WDPCP: variants seen among roughly 807,000 people sequenced by gnomAD.
The protein encoded by WDPCP is WD repeat containing planar cell polarity effector.
Under a neutral mutation model 93.1 loss-of-function variants are expected in WDPCP, and 71 were observed. That is an observed-to-expected ratio of 0.76 (90% CI 0.63 to 0.93). WDPCP has a LOEUF of 0.93. Ranked by LOEUF, WDPCP falls within the 40% of genes least tolerant of loss-of-function variation. WDPCP has a pLI of 0.00. For missense variants in WDPCP, 844 were observed against 887.4 expected, an observed-to-expected ratio of 0.95 and a Z score of 0.62; for synonymous variants, 315 against 315.0, an observed-to-expected ratio of 1.00 and a Z score of 0.00.
intron 1 of WDPCP, among the ~76,000 whole-genome samples, chr2:63,528,328 G>A (rs895799136): frequency 6.6e-6 from 1 of 152,106 alleles, no homozygotes; most frequent in Non-Finnish European, 1.5e-5. Context: ...TAGGTTTTCT[G>A]CTAGGGTTTT....
At chr2:63,423,762 G>A (rs1461539098) in intron 9 of WDPCP, among the ~76,000 whole-genome samples, 2 of 152,124 alleles carry the variant, frequency 1.3e-5, no homozygotes, top group Non-Finnish European at 2.9e-5. Flanking sequence ...TGAATTAGGT[G>A]ACAAAGCAAA....
At chr2:63,740,122 G>C (rs931026922) in intron 2 of WDPCP, among the ~76,000 whole-genome samples, 1 of 151,996 alleles carries the variant, frequency 6.6e-6, no homozygotes, top group African/African-American at 2.4e-5. Flanking sequence ...TTTTGATGGG[G>C]CTAGAAAAAG....
chr2:63,576,524 G>A (rs772402461), intron 1 of WDPCP, among the ~76,000 whole-genome samples: 8 of 152,208 alleles, frequency 5.3e-5, no homozygotes, highest in South Asian at 2.1e-4. Flanking sequence ...TGCAGGCACC[G>A]CCAGCTGTTC....
chr2:63,463,671 C>T (rs1027918930), intron 6 of WDPCP, among the ~76,000 whole-genome samples: 1 of 152,110 alleles, frequency 6.6e-6, no homozygotes, highest in Non-Finnish European at 1.5e-5. Context: ...AAAGAGATCC[C>T]AGGAATAAAT....
chr2:63,622,798 G>C, intron 3 of WDPCP: 1 of 1,612,266 alleles, frequency 6.2e-7, no homozygotes, highest in South Asian at 1.1e-5. Flanking sequence ...CAGGAACTCC[G>C]GAGCACGCTC....
rs534264325 is a variant in WDPCP at position 63,388,796 on chromosome 2, T to C, written c.1436-6702A>G. On this transcript the variant is annotated intron_variant, in intron 10 of 17. Coordinates refer to ENST00000272321, the MANE Select transcript of WDPCP (RefSeq NM_015910.7). ...ATTCAATCAAGTGGAAGAAAGGGTA[T>C]TGGTGATTGAAGATTAAATTAATGA... Among the ~76,000 whole-genome samples the C allele has an allele frequency of 8.8e-4, 134 of 152,182 alleles. 1 individual carries two copies. In the South Asian group the frequency reaches 0.026, roughly 30 times the overall value.
chr2:63,199,634 G>A (rs1175566334), intron 14 of WDPCP, among the ~76,000 whole-genome samples: 1 of 152,230 alleles, frequency 6.6e-6, no homozygotes, highest in Non-Finnish European at 1.5e-5. Flanking sequence ...CATTTCAGAG[G>A]ATGTATGGAA....
chr2:63,326,100 G>A (rs10169292), intron 12 of WDPCP, among the ~76,000 whole-genome samples: 4 of 152,202 alleles, frequency 2.6e-5, no homozygotes, highest in Admixed American at 6.5e-5. Flanking sequence ...TGTAAATGGC[G>A]TACTAGGTGC....
At chr2:63,810,056 A>C (rs1670840261) in intron 2 of WDPCP, among the ~76,000 whole-genome samples, 1 of 152,344 alleles carries the variant, frequency 6.6e-6, no homozygotes, top group African/African-American at 2.4e-5. Context: ...TGGCTAATCT[A>C]TTTAGTGTAG....
At chr2:63,303,318 T>C (rs1685471277) in intron 13 of WDPCP, among the ~76,000 whole-genome samples, 1 of 152,144 alleles carries the variant, frequency 6.6e-6, no homozygotes, top group Non-Finnish European at 1.5e-5. Flanking sequence ...AGGACATCAA[T>C]ACCCTAGAAG....
intron 6 of WDPCP, among the ~76,000 whole-genome samples, chr2:63,448,732 A>T (rs181330148): frequency 6.9e-4 from 105 of 152,312 alleles, no homozygotes; most frequent in African/African-American, 2.4e-3. Context: ...AACCTGTGGG[A>T]CATTATGCTA....
intron 1 of WDPCP, among the ~76,000 whole-genome samples, chr2:63,560,196 C>G (rs1295659833): frequency 1.3e-5 from 2 of 151,754 alleles, no homozygotes; most frequent in African/African-American, 4.8e-5. Context: ...TCATTCCAGC[C>G]TGGGTGACAA....
chr2:63,653,107 C>G (rs953242274), intron 2 of WDPCP, among the ~76,000 whole-genome samples: 2 of 152,152 alleles, frequency 1.3e-5, no homozygotes, highest in Non-Finnish European at 2.9e-5. Context: ...GGAACCCAAA[C>G]AGAGCCTGGT....
chr2:63,389,958 C>T (rs188758730), intron 10 of WDPCP, among the ~76,000 whole-genome samples: 15 of 152,294 alleles, frequency 9.8e-5, no homozygotes, highest in East Asian at 7.7e-4. Context: ...GAGACTTTAA[C>T]ATCCCACTGT....
chr2:63,271,753 A>G (rs1055595064), intron 13 of WDPCP, among the ~76,000 whole-genome samples: 5 of 152,038 alleles, frequency 3.3e-5, no homozygotes, highest in African/African-American at 1.2e-4. Flanking sequence ...CCACCCACCA[A>G]CACTAGCACC....
intron 15 of WDPCP, among the ~76,000 whole-genome samples, chr2:63,172,334 T>C (rs1174622130): frequency 6.6e-6 from 1 of 152,122 alleles, no homozygotes; most frequent in Non-Finnish European, 1.5e-5. Flanking sequence ...GGTGAAACCC[T>C]GTTTCTACAG....
chr2:63,782,529 A>C (rs1333218992), intron 2 of WDPCP, among the ~76,000 whole-genome samples: 1 of 152,212 alleles, frequency 6.6e-6, no homozygotes, highest in Non-Finnish European at 1.5e-5. Context: ...TTTCAAGAGA[A>C]GACATCCAAA....
chr2:63,626,709 C>T (rs1255280133), intron 3 of WDPCP, among the ~76,000 whole-genome samples: 6 of 152,128 alleles, frequency 3.9e-5, no homozygotes, highest in South Asian at 4.1e-4. Context: ...GAAACAGGAA[C>T]GATTTTACAC....
chr2:63,722,095 G>A (rs1236072709), intron 2 of WDPCP, among the ~76,000 whole-genome samples: 9 of 152,126 alleles, frequency 5.9e-5, no homozygotes, highest in Non-Finnish European at 1.2e-4. Flanking sequence ...CCACCTCCCC[G>A]CCGCCTGCCT....
Sources: gnomAD v4.1 joint callset for allele counts (sites outside exome capture counted in the v4.1 genomes callset) on GRCh38, gnomAD v4.1.1 for gene constraint, MANE v1.5 for transcripts, NCBI Gene and HGNC (gene_info 2026-07-23, HGNC 2026-07-21) for gene names.